The following MYO3A variants were observed in gnomAD, a reference collection of about 807,000 sequenced individuals.
MYO3A encodes myosin IIIA, also known as myosin-IIIa.
MYO3A carries 180 observed loss-of-function variants against 192.7 expected under a neutral mutation model. The ratio of observed to expected loss-of-function variants is 0.93; its 90% CI spans 0.83 to 1.06. MYO3A has a LOEUF of 1.06. Among genes scored for constraint, MYO3A ranks in the 50% least tolerant of loss-of-function variants. MYO3A has a pLI of 0.00. For synonymous variants in MYO3A, 628 were observed against 645.3 expected (o/e 0.97, Z 0.41); for missense variants, 1,896 against 1,905.0 (o/e 1.00, Z 0.09).
chr10:26,078,130 C>CTTTTTTTTTT (rs57336459), intron 14 of MYO3A, among the ~76,000 whole-genome samples: 5 of 122,298 alleles, frequency 4.1e-5, no homozygotes, highest in African/African-American at 6.2e-5. Context: ...TGGTCCTGGA[C>CTTTTTTTTTT]TTTTTTTTTT....
In MYO3A at chr10:26,201,295, A is replaced by G. The variant is rs756987185; in HGVS notation, c.4576A>G (p.Arg1526Gly). Residue 1526 changes from arginine to glycine, a missense_variant, in exon 33 of 35, where the codon AGG (arginine) becomes GGG (glycine). Coordinates refer to ENST00000642920, the MANE Select transcript of MYO3A (RefSeq NM_017433.5). The stretch of plus-strand genomic sequence containing the variant: ...AATCCAAGAAGAAAAACGAAGACCA[A>G]GGAAAGACAGGTAATTATTACTTCT... ...KSIQEEKRRP[R>G]KDSQGKLLDL... 1.3e-6 allele frequency: 2 copies of G among 1,579,772 alleles called. No homozygotes were observed. The highest frequency in any genetic ancestry group is 3.4e-5 in the Admixed American group (2 of 58,732).
At chr10:25,998,567 A>G (rs879495020) in intron 6 of MYO3A, among the ~76,000 whole-genome samples, 18 of 152,030 alleles carry the variant, frequency 1.2e-4, no homozygotes, top group Admixed American at 1.2e-3. Flanking sequence ...TGAAATTACA[A>G]CAAATCATTC....
At chr10:26,029,376 G>C (rs1842706394) in intron 10 of MYO3A, among the ~76,000 whole-genome samples, 1 of 152,066 alleles carries the variant, frequency 6.6e-6, no homozygotes. Flanking sequence ...TTATTTCTGA[G>C]ACATAAATGT....
rs534487885 is a variant in MYO3A at position 26,037,563 on chromosome 10, A to C, written c.953+11031A>C. Among the ~76,000 whole-genome samples the C allele has an allele frequency of 3.3e-5, 5 of 152,324 alleles. No individual in the cohort carries two copies. In the South Asian group the frequency reaches 1.0e-3, roughly 32 times the overall value. The stretch of plus-strand genomic sequence containing the variant: ...TTCATTCCTTTGCATATGTATACCC[A>C]GTTTTCCCAACACCATTTATTGAAG... On this transcript the variant is annotated intron_variant, in intron 10 of 34. Coordinates refer to ENST00000642920, the MANE Select transcript of MYO3A (RefSeq NM_017433.5).
chr10:25,993,961 G>A (rs899472534), intron 4 of MYO3A, among the ~76,000 whole-genome samples: 1 of 152,168 alleles, frequency 6.6e-6, no homozygotes, highest in African/African-American at 2.4e-5. Context: ...CATAGGTGCG[G>A]TGTGGTTCTG....
intron 4 of MYO3A, among the ~76,000 whole-genome samples, chr10:25,959,825 G>GTGTGTC (rs1243896570): frequency 1.3e-5 from 2 of 151,026 alleles, no homozygotes; most frequent in South Asian, 2.1e-4. Context: ...GTGTGTGTGT[G>GTGTGTC]TGTCTGTGTG....
chr10:26,096,108 T>C (rs1331336193), intron 15 of MYO3A, among the ~76,000 whole-genome samples: 2 of 152,224 alleles, frequency 1.3e-5, no homozygotes, highest in Non-Finnish European at 2.9e-5. Context: ...GTTTTGCTCC[T>C]GCTATATCCC....
chr10:26,053,681 C>T (rs1479970301), intron 10 of MYO3A, among the ~76,000 whole-genome samples: 1 of 151,848 alleles, frequency 6.6e-6, no homozygotes, highest in East Asian at 1.9e-4. Flanking sequence ...AAAAATTAGC[C>T]AAGTGTGGTG....
At chr10:26,150,029 C>T (rs1324841197) in intron 23 of MYO3A, among the ~76,000 whole-genome samples, 1 of 149,398 alleles carries the variant, frequency 6.7e-6, no homozygotes, top group Non-Finnish European at 1.5e-5. Flanking sequence ...GAATAGTATT[C>T]GTGTGTGTGT....
At chr10:26,064,297 C>T (rs899037011) in intron 10 of MYO3A, among the ~76,000 whole-genome samples, 1 of 152,084 alleles carries the variant, frequency 6.6e-6, no homozygotes, top group Non-Finnish European at 1.5e-5. Flanking sequence ...TCAGAGGGAA[C>T]AGCAAATACC....
At chr10:26,036,534 C>A (rs1843049875) in intron 10 of MYO3A, among the ~76,000 whole-genome samples, 1 of 152,182 alleles carries the variant, frequency 6.6e-6, no homozygotes, top group African/African-American at 2.4e-5. Flanking sequence ...ACCATTTTCT[C>A]TAGTAATTAA....
intron 34 of MYO3A, among the ~76,000 whole-genome samples, chr10:26,205,341 A>T (rs754642696): frequency 5.3e-5 from 8 of 152,044 alleles, no homozygotes; most frequent in Non-Finnish European, 1.0e-4. Context: ...TTGTACAATA[A>T]ATCTCTTGAA....
At position 26,021,280 on chromosome 10, in the gene MYO3A, C is replaced by T. The variant is rs41314633; in HGVS notation, c.586-223C>T. 0.066 allele frequency among the ~76,000 whole-genome samples: 10,043 copies of T among 152,100 alleles called. 415 individuals carry two copies. Among genetic ancestry groups the T allele is most frequent in the Non-Finnish European group, 0.094 (6,387 of 68,002 alleles). On this transcript the variant is annotated intron_variant, in intron 7 of 34. Transcript: ENST00000642920. The stretch of plus-strand genomic sequence containing the variant: ...AAAAATATTTTTCATAGGCTTCTTC[C>T]CTTATATTTTAAACCTCCTAAGGTA...
chr10:26,035,193 C>T (rs1842971436), intron 10 of MYO3A, among the ~76,000 whole-genome samples: 1 of 152,272 alleles, frequency 6.6e-6, no homozygotes, highest in Non-Finnish European at 1.5e-5. Context: ...ATAACTTACC[C>T]TTTCCTGTCT....
chr10:26,028,410 G>A lies in MYO3A; in HGVS notation c.953+1878G>A, dbSNP rs190836889. 7.4e-4 allele frequency among the ~76,000 whole-genome samples: 113 copies of A among 152,288 alleles called. 1 individual carries two copies. The East Asian group carries it at 0.017, about 23-fold the overall frequency. The stretch of plus-strand genomic sequence containing the variant: ...ACAGCCTTGCTGCAGAGACAGACCT[G>A]ATATACCTTTAATGAGGAAGAATTA... On this transcript the variant is annotated intron_variant, in intron 10 of 34. Coordinates refer to ENST00000642920, the MANE Select transcript of MYO3A (RefSeq NM_017433.5).
chr10:26,143,617 A>C lies in MYO3A; in HGVS notation c.2416+16A>C. 6.2e-7 allele frequency: 1 copy of C among 1,613,470 alleles called. No individual in the cohort carries two copies. Among genetic ancestry groups the C allele is most frequent in the Admixed American group, 1.7e-5 (1 of 60,012 alleles). ...ACTCTTGTAGGTGAGTTTTCAGTCCAGTGTGTCTGCATGGTTTTATGAATA... is the reference window on the plus strand; with the variant it reads ...ACTCTTGTAGGTGAGTTTTCAGTCCCGTGTGTCTGCATGGTTTTATGAATA... On this transcript the variant is annotated intron_variant, in intron 21 of 34. Coordinates refer to ENST00000642920, the MANE Select transcript of MYO3A (RefSeq NM_017433.5).
intron 23 of MYO3A, among the ~76,000 whole-genome samples, chr10:26,149,244 GT>G (rs904607294): frequency 2.4e-4 from 36 of 150,698 alleles, no homozygotes; most frequent in Non-Finnish European, 4.7e-4. Flanking sequence ...TGTTTTTCAT[GT>G]TTTTTTTGAG....
At chr10:26,203,329 C>G (rs897287791) in intron 34 of MYO3A, among the ~76,000 whole-genome samples, 12 of 151,992 alleles carry the variant, frequency 7.9e-5, no homozygotes, top group Non-Finnish European at 4.4e-5. Flanking sequence ...TATCTGTTTT[C>G]TTGGAGTAAT....
intron 6 of MYO3A, among the ~76,000 whole-genome samples, chr10:26,007,317 G>A (rs1488213845): frequency 1.3e-5 from 2 of 150,604 alleles, no homozygotes; most frequent in Non-Finnish European, 2.9e-5. Context: ...TTTGAAAACC[G>A]GCACAAGACA....
Sources: gnomAD v4.1 joint callset for allele counts (sites outside exome capture counted in the v4.1 genomes callset) on GRCh38, gnomAD v4.1.1 for gene constraint, MANE v1.5 for transcripts, NCBI Gene and HGNC (gene_info 2026-07-23, HGNC 2026-07-21) for gene names.